Variants in ABTB3 observed in about 807,000 individuals in gnomAD.
ABTB3 encodes the protein ankyrin repeat and BTB domain containing 3.
At chr12:107,409,532 G>C in the ABTB3 span, among the ~76,000 whole-genome samples, 1 of 152,178 alleles carries the variant, frequency 6.6e-6, no homozygotes, top group African/African-American at 2.4e-5. Flanking sequence ...ACCATAAAAA[G>C]GAATGAGATC....
the ABTB3 span, among the ~76,000 whole-genome samples, chr12:107,647,866 C>T: frequency 2.6e-5 from 4 of 152,200 alleles, no homozygotes; most frequent in Non-Finnish European, 4.4e-5. Context: ...TTTTAAGTGG[C>T]AGAGCCAGAT....
At chr12:107,376,596 C>T in the ABTB3 span, among the ~76,000 whole-genome samples, 1,432 of 152,176 alleles carry the variant, frequency 9.4e-3, 20 homozygotes, top group African/African-American at 0.032. Context: ...CCTGGCATTG[C>T]GCGATGCTGT....
At chr12:107,657,800 A>C in the ABTB3 span, 1 of 1,453,000 alleles carries the variant, frequency 6.9e-7, no homozygotes, top group Non-Finnish European at 9.6e-7. Context: ...GACAAATTCC[A>C]CCTGGCACCT....
the ABTB3 span, among the ~76,000 whole-genome samples, chr12:107,625,518 C>A: frequency 6.6e-6 from 1 of 152,132 alleles, no homozygotes; most frequent in Non-Finnish European, 1.5e-5. Flanking sequence ...AATCCAGGTT[C>A]CCCTACTTGG....
At chr12:107,580,932 C>G in the ABTB3 span, 42 of 1,551,460 alleles carry the variant, frequency 2.7e-5, no homozygotes, top group Non-Finnish European at 3.6e-5. Flanking sequence ...CCCAAGGATT[C>G]CAGAGAGCCT....
the ABTB3 span, among the ~76,000 whole-genome samples, chr12:107,643,507 G>A: frequency 6.6e-6 from 1 of 151,800 alleles, no homozygotes; most frequent in Non-Finnish European, 1.5e-5. Flanking sequence ...GCCCCAAGGT[G>A]GGCCTGGGGA....
chr12:107,471,115 A>G, the ABTB3 span, among the ~76,000 whole-genome samples: 1 of 152,380 alleles, frequency 6.6e-6, no homozygotes, highest in South Asian at 2.1e-4. Context: ...CGTTTTCCGC[A>G]TACACTTTCA....
the ABTB3 span, among the ~76,000 whole-genome samples, chr12:107,379,465 C>G: frequency 6.6e-6 from 1 of 152,144 alleles, no homozygotes; most frequent in South Asian, 2.1e-4. Flanking sequence ...CACTCTCTTG[C>G]CTGCCGCCGT....
the ABTB3 span, among the ~76,000 whole-genome samples, chr12:107,328,948 C>T: frequency 1.3e-5 from 2 of 152,072 alleles, no homozygotes; most frequent in Non-Finnish European, 2.9e-5. Context: ...TTTTAGTCCC[C>T]GCCGGCTTCC....
At chr12:107,383,585 G>A in the ABTB3 span, among the ~76,000 whole-genome samples, 4 of 151,886 alleles carry the variant, frequency 2.6e-5, no homozygotes, top group African/African-American at 4.9e-5. Flanking sequence ...TGGTCAATAA[G>A]TGTTCACAGT....
At chr12:107,655,993 A>C in the ABTB3 span, among the ~76,000 whole-genome samples, 1 of 152,116 alleles carries the variant, frequency 6.6e-6, no homozygotes, top group Non-Finnish European at 1.5e-5. Context: ...AGAATATAAT[A>C]AGAAATTAGA....
At chr12:107,443,037 C>A in the ABTB3 span, among the ~76,000 whole-genome samples, 1 of 152,100 alleles carries the variant, frequency 6.6e-6, no homozygotes, top group Non-Finnish European at 1.5e-5. Flanking sequence ...TTTATAACAG[C>A]ACTAATCCCC....
chr12:107,334,482 C>A, the ABTB3 span, among the ~76,000 whole-genome samples: 877 of 152,124 alleles, frequency 5.8e-3, 11 homozygotes, highest in African/African-American at 0.019. Flanking sequence ...TTAACTGAGA[C>A]GGGAAATACC....
At chr12:107,644,007 ACCCACCTT>A in the ABTB3 span, among the ~76,000 whole-genome samples, 1 of 152,024 alleles carries the variant, frequency 6.6e-6, no homozygotes, top group South Asian at 2.1e-4. Flanking sequence ...CAACCAATTC[ACCCACCTT>A]GGTTGGCCTC....
the ABTB3 span, among the ~76,000 whole-genome samples, chr12:107,491,943 A>T: frequency 1.3e-5 from 2 of 151,956 alleles, no homozygotes; most frequent in African/African-American, 4.8e-5. Context: ...GTAGAGAAAG[A>T]GGTTTAGTCA....
the ABTB3 span, among the ~76,000 whole-genome samples, chr12:107,590,676 C>T: frequency 6.6e-6 from 1 of 152,164 alleles, no homozygotes; most frequent in East Asian, 1.9e-4. Context: ...GTGTTAAAAG[C>T]AAAACAGAAA....
the ABTB3 span, among the ~76,000 whole-genome samples, chr12:107,511,262 A>G: frequency 1.3e-5 from 2 of 152,242 alleles, no homozygotes; most frequent in African/African-American, 4.8e-5. Context: ...CAACAAGTTA[A>G]CCAACTCTCA....
At chr12:107,618,626 A>T in the ABTB3 span, among the ~76,000 whole-genome samples, 1 of 152,122 alleles carries the variant, frequency 6.6e-6, no homozygotes, top group Non-Finnish European at 1.5e-5. Context: ...TCCTCAGACC[A>T]TCTTTCCATG....
the ABTB3 span, among the ~76,000 whole-genome samples, chr12:107,646,853 A>T: frequency 6.6e-6 from 1 of 152,066 alleles, no homozygotes; most frequent in Non-Finnish European, 1.5e-5. Context: ...TGGGGTGGAG[A>T]TCTGAGGAGG....
Sources: gnomAD v4.1 joint callset for allele counts (sites outside exome capture counted in the v4.1 genomes callset) on GRCh38, gnomAD v4.1.1 for gene constraint, MANE v1.5 for transcripts, NCBI Gene and HGNC (gene_info 2026-07-23, HGNC 2026-07-21) for gene names.